RIN3: variants seen among roughly 807,000 people sequenced by gnomAD.
RIN3 encodes RAB5 interacting protein 3.
Under a neutral mutation model 76.3 loss-of-function variants are expected in RIN3, and 54 were observed. The observed-to-expected ratio is 0.71, with a 90% CI of 0.57 to 0.89. RIN3 has a LOEUF of 0.89. Among genes scored for constraint, RIN3 ranks in the 40% least tolerant of loss-of-function variants. The pLI is 0.00. For missense variants in RIN3, 1,256 were observed against 1,322.1 expected, an observed-to-expected ratio of 0.95 and a Z score of 0.78; for synonymous variants, 576 against 564.0, an observed-to-expected ratio of 1.02 and a Z score of -0.30.
At chr14:92,546,601 C>T (rs1003277253) in intron 1 of RIN3, among the ~76,000 whole-genome samples, 4 of 152,118 alleles carry the variant, frequency 2.6e-5, no homozygotes, top group Non-Finnish European at 5.9e-5. Context: ...CATGTAAACG[C>T]GGGTGTTCAG....
chr14:92,515,670 G>A (rs921232090), intron 1 of RIN3, among the ~76,000 whole-genome samples: 2 of 152,166 alleles, frequency 1.3e-5, no homozygotes, highest in Admixed American at 1.3e-4. Flanking sequence ...CCCGGCCCCT[G>A]CCTCACCTGT....
rs1886247408 is a variant in RIN3 at position 92,623,345 on chromosome 14, TGGC to T, written c.440+7867_440+7869del. Among the ~76,000 whole-genome samples, 1 of 152,268 alleles carries T rather than the reference TGGC, an allele frequency of 6.6e-6. No homozygotes were observed. The highest frequency in any genetic ancestry group is 2.4e-5 in the African/African-American group (1 of 41,474). On this transcript the variant is annotated intron_variant, in intron 4 of 9. Transcript: ENST00000216487. This position sits in a 1 kb window ranked among gnomAD's most constrained non-coding sequence, Gnocchi z 4.9. ...GGCCATTCTGTTTTCCCAAGCCATT[TGGC>T]TAGTAGGCCCTAATTGTTCAGCTAT...
chr14:92,550,317 C>T (rs1284689834), intron 1 of RIN3, among the ~76,000 whole-genome samples: 1 of 152,182 alleles, frequency 6.6e-6, no homozygotes, highest in African/African-American at 2.4e-5. Context: ...AGGCACTGTG[C>T]TAAGTAGTTG....
intron 3 of RIN3, among the ~76,000 whole-genome samples, chr14:92,614,666 T>G (rs1885878878): frequency 6.6e-6 from 1 of 151,954 alleles, no homozygotes; most frequent in African/African-American, 2.4e-5. Flanking sequence ...CGAGATCTGA[T>G]GGCTTTATAA....
chr14:92,621,290 A>T (rs1886173364), intron 4 of RIN3, among the ~76,000 whole-genome samples: 1 of 144,274 alleles, frequency 6.9e-6, no homozygotes, highest in African/African-American at 2.5e-5. Context: ...TTTTTACAAT[A>T]CTTCTTGTTT....
chr14:92,526,019 G>A (rs1013889514), intron 1 of RIN3, among the ~76,000 whole-genome samples: 35 of 152,196 alleles, frequency 2.3e-4, no homozygotes, highest in Admixed American at 6.5e-4. Context: ...CGTGGTGGGG[G>A]TGGAGGGGCT....
intron 3 of RIN3, among the ~76,000 whole-genome samples, chr14:92,592,230 C>T (rs149345296): frequency 0.035 from 5,316 of 151,858 alleles, 166 homozygotes; most frequent in Admixed American, 0.095. Context: ...GGTGAAACCA[C>T]GTTTCTACTA....
intron 4 of RIN3, among the ~76,000 whole-genome samples, chr14:92,617,169 G>A (rs1046324288): frequency 4.6e-5 from 7 of 151,918 alleles, no homozygotes; most frequent in Non-Finnish European, 8.8e-5. Context: ...GCGTAGTGGC[G>A]GGCGCCTGTA....
chr14:92,623,519 T>C lies in RIN3; in HGVS notation c.440+8040T>C, dbSNP rs1886253393. On this transcript the variant is annotated intron_variant, in intron 4 of 9. Transcript: ENST00000216487. This position sits in a 1 kb window ranked among gnomAD's most constrained non-coding sequence, Gnocchi z 4.9. ...TACTGGGTCTCGGGCTTTGAATCTA[T>C]CAGGTACCCCCTGTGGGACTCCAAT... Among the ~76,000 whole-genome samples the C allele has an allele frequency of 6.6e-6, 1 of 152,240 alleles. No homozygotes were observed. Among genetic ancestry groups the C allele is most frequent in the East Asian group, 1.9e-4 (1 of 5,198 alleles).
chr14:92,577,428 C>G lies in RIN3; in HGVS notation c.318C>G (p.Asn106Lys), dbSNP rs371612192. The G allele has an allele frequency of 1.2e-6, 2 of 1,613,706 alleles. No individual in the cohort carries two copies. The highest frequency in any genetic ancestry group is 1.7e-6 in the Non-Finnish European group (2 of 1,179,824). The change falls in exon 3 of 10, where the codon AAC becomes AAG. Residue 106 changes from asparagine to lysine, a missense_variant. Asn to Lys is a moderately conservative substitution (Grantham distance 94, BLOSUM62 0). Coordinates refer to ENST00000216487, the MANE Select transcript of RIN3 (RefSeq NM_024832.5). Reference protein sequence around the residue: ...LVLCVHFPSLNESSAEVLEYT... With the variant: ...LVLCVHFPSLKESSAEVLEYT... Reference sequence around the variant, plus strand: ...TCTGTGTCCACTTTCCTTCTCTGAACGAAAGCTCGGCCGAGGTGCTCGAAT... The same window carrying G: ...TCTGTGTCCACTTTCCTTCTCTGAAGGAAAGCTCGGCCGAGGTGCTCGAAT...
intron 9 of RIN3, 49 bp from the exon 10 acceptor site, chr14:92,687,877 T>A (rs1305919407): frequency 6.8e-7 from 1 of 1,462,210 alleles, no homozygotes; most frequent in Admixed American, 2.6e-5. Flanking sequence ...AGAGGGCGCC[T>A]GAGGAGACAG....
intron 1 of RIN3, among the ~76,000 whole-genome samples, chr14:92,532,878 C>T (rs537251778): frequency 6.6e-6 from 1 of 152,196 alleles, no homozygotes; most frequent in Non-Finnish European, 1.5e-5. Context: ...TCTTGAAAGC[C>T]GGGGAGCTTG....
At position 92,621,914 on chromosome 14, in the gene RIN3, G is replaced by A. The variant is rs926110701; in HGVS notation, c.440+6435G>A. On this transcript the variant is annotated intron_variant, in intron 4 of 9. Transcript: ENST00000216487. ...TTACTGGTTTTACTTTACCCCAATAGATAAGCCAATGAAGGCTATGAACCA... is the reference window on the plus strand; with the variant it reads ...TTACTGGTTTTACTTTACCCCAATAAATAAGCCAATGAAGGCTATGAACCA... Among the ~76,000 whole-genome samples, 3 of 152,182 alleles carry A rather than the reference G, an allele frequency of 2.0e-5. No individual in the cohort carries two copies. The South Asian group carries it at 6.2e-4, about 31-fold the overall frequency.
At chr14:92,530,033 T>A (rs988726839) in intron 1 of RIN3, among the ~76,000 whole-genome samples, 1 of 152,248 alleles carries the variant, frequency 6.6e-6, no homozygotes. Flanking sequence ...CTAGGAGCAA[T>A]GATTCAGTAT....
chr14:92,591,824 A>G (rs1332046022), intron 3 of RIN3, among the ~76,000 whole-genome samples: 2 of 152,202 alleles, frequency 1.3e-5, no homozygotes, highest in Non-Finnish European at 2.9e-5. Context: ...TGCCTTGCAA[A>G]TGTTAAAATT....
intron 3 of RIN3, among the ~76,000 whole-genome samples, chr14:92,597,173 TTA>T (rs1283140293): frequency 4.2e-5 from 1 of 23,948 alleles, no homozygotes; most frequent in Non-Finnish European, 1.3e-4. Context: ...TTTATATATA[TTA>T]TTTTTTATAA....
chr14:92,667,871 T>TG (rs368493697), intron 7 of RIN3, among the ~76,000 whole-genome samples: 11 of 147,778 alleles, frequency 7.4e-5, no homozygotes, highest in East Asian at 2.1e-4. Flanking sequence ...GTGACAGGAA[T>TG]GGGGGGGCAT....
Position 92,568,321 on chromosome 14 carries a change from G to A in RIN3, c.250-9039G>A, listed in dbSNP as rs1897970723. Among the ~76,000 whole-genome samples the A allele has an allele frequency of 6.6e-6, 1 of 152,182 alleles. No individual in the cohort carries two copies. The highest frequency in any genetic ancestry group is 1.5e-5 in the Non-Finnish European group (1 of 68,040). On this transcript the variant is annotated intron_variant, in intron 2 of 9. Coordinates refer to ENST00000216487, the MANE Select transcript of RIN3 (RefSeq NM_024832.5). This position sits in a 1 kb window ranked among gnomAD's most constrained non-coding sequence, Gnocchi z 4.2. ...GGACACTCGATCAGCGAGTGGGCAG[G>A]GAGGCAATGTAGATATAAACAACTC...
intron 7 of RIN3, 77 bp from the exon 8 acceptor site, chr14:92,676,398 G>C: frequency 6.5e-7 from 1 of 1,541,008 alleles, no homozygotes; most frequent in Non-Finnish European, 8.9e-7. Flanking sequence ...GCAAACCACT[G>C]TCCCCTACCC....
Sources: gnomAD v4.1 joint callset for allele counts (sites outside exome capture counted in the v4.1 genomes callset) on GRCh38, gnomAD v4.1.1 for gene constraint, Gnocchi (gnomAD v3.1) non-coding constraint, MANE v1.5 for transcripts, NCBI Gene and HGNC (gene_info 2026-07-23, HGNC 2026-07-21) for gene names.